The following NRXN3 variants were observed in gnomAD, a reference collection of about 807,000 sequenced individuals.
NRXN3 encodes neurexin 3.
A neutral mutation model predicts 137.6 loss-of-function variants in NRXN3; 32 were observed. The observed-to-expected ratio is 0.23, with a 90% CI of 0.18 to 0.31. NRXN3 has a LOEUF of 0.31. Ranked by LOEUF, NRXN3 falls within the 10% of genes least tolerant of loss-of-function variation. The pLI, the probability that NRXN3 is intolerant of heterozygous loss-of-function variation, is 1.00. For synonymous variants in NRXN3, 798 were observed against 784.5 expected, an observed-to-expected ratio of 1.02 and a Z score of -0.29; for missense variants, 1,574 against 2,062.5, an observed-to-expected ratio of 0.76 and a Z score of 4.59.
intron 1 of NRXN3, among the ~76,000 whole-genome samples, chr14:78,191,052 A>C (rs1291949178): frequency 6.6e-6 from 1 of 152,138 alleles, no homozygotes; most frequent in Non-Finnish European, 1.5e-5. Context: ...AAGACAATGA[A>C]ATTTCCTCAG....
intron 4 of NRXN3, among the ~76,000 whole-genome samples, chr14:78,456,894 G>A (rs1025245929): frequency 1.1e-4 from 12 of 112,884 alleles, no homozygotes; most frequent in South Asian, 2.8e-4. Flanking sequence ...TCTTTCGTTC[G>A]TTCATTCCTC....
chr14:79,208,700 A>C (rs1411636154), intron 15 of NRXN3, among the ~76,000 whole-genome samples: 1 of 152,188 alleles, frequency 6.6e-6, no homozygotes, highest in East Asian at 1.9e-4. Flanking sequence ...TTTATTGGAT[A>C]TAACAGTTAT....
intron 6 of NRXN3, among the ~76,000 whole-genome samples, chr14:78,697,384 C>T (rs1345701489): frequency 6.6e-6 from 1 of 152,004 alleles, no homozygotes; most frequent in East Asian, 1.9e-4. Context: ...TAATAAAAGA[C>T]TATTGAAATA....
At chr14:79,559,360 C>T (rs761897657) in intron 16 of NRXN3, among the ~76,000 whole-genome samples, 1 of 152,016 alleles carries the variant, frequency 6.6e-6, no homozygotes, top group Non-Finnish European at 1.5e-5. Context: ...ACTTACAGGC[C>T]ATTGTAGGGT....
At chr14:79,486,420 A>G (rs1177200399) in intron 16 of NRXN3, among the ~76,000 whole-genome samples, 3 of 152,198 alleles carry the variant, frequency 2.0e-5, no homozygotes, top group African/African-American at 7.2e-5. Context: ...ATATCCCAGT[A>G]TTATTCCCTG....
chr14:79,551,439 T>A (rs1264878611), intron 16 of NRXN3, among the ~76,000 whole-genome samples: 1 of 152,214 alleles, frequency 6.6e-6, no homozygotes, highest in Non-Finnish European at 1.5e-5. Context: ...GTTAATGGAT[T>A]CGGTGGAAAA....
intron 15 of NRXN3, among the ~76,000 whole-genome samples, chr14:79,235,648 A>T (rs1156328509): frequency 6.6e-6 from 1 of 152,196 alleles, no homozygotes; most frequent in Non-Finnish European, 1.5e-5. Context: ...TGAGTAAAAA[A>T]GTTCACTCAG....
chr14:79,014,382 G>A (rs1402878258), intron 15 of NRXN3, among the ~76,000 whole-genome samples: 9 of 152,054 alleles, frequency 5.9e-5, no homozygotes, highest in Non-Finnish European at 1.3e-4. Context: ...TCTTGTGTTA[G>A]TTCACTTAGC....
intron 1 of NRXN3, among the ~76,000 whole-genome samples, chr14:78,237,789 G>A (rs1220296245): frequency 6.6e-6 from 1 of 152,140 alleles, no homozygotes; most frequent in East Asian, 1.9e-4. Context: ...GTGGGGTGAG[G>A]GGAGCAGTGA....
chr14:78,352,971 G>A (rs1024616688), intron 4 of NRXN3, among the ~76,000 whole-genome samples: 5 of 152,198 alleles, frequency 3.3e-5, no homozygotes, highest in African/African-American at 1.2e-4. Flanking sequence ...AAGGAGGATG[G>A]GATTGGGCTG....
intron 20 of NRXN3, among the ~76,000 whole-genome samples, chr14:79,855,779 CTG>C (rs1352520351): frequency 6.6e-6 from 1 of 152,048 alleles, no homozygotes; most frequent in Non-Finnish European, 1.5e-5. Context: ...GTAGTAGGTA[CTG>C]TGTTAACCAT....
chr14:79,163,385 G>A (rs893705098), intron 15 of NRXN3, among the ~76,000 whole-genome samples: 1 of 151,898 alleles, frequency 6.6e-6, no homozygotes, highest in Non-Finnish European at 1.5e-5. Context: ...GGAGAAAATG[G>A]TGGCTTTTGG....
intron 16 of NRXN3, among the ~76,000 whole-genome samples, chr14:79,548,001 T>C (rs142827043): frequency 1.5e-4 from 23 of 152,174 alleles, no homozygotes; most frequent in Admixed American, 5.2e-4. Context: ...CCAAGAATAA[T>C]TGAAGTAGTG....
intron 4 of NRXN3, among the ~76,000 whole-genome samples, chr14:78,483,981 T>TACACACACACACAC (rs71979335): frequency 4.6e-4 from 57 of 123,740 alleles, no homozygotes; most frequent in South Asian, 3.8e-3. Context: ...GGGATGCTCT[T>TACACACACACACAC]ACACACACAC....
intron 15 of NRXN3, among the ~76,000 whole-genome samples, chr14:79,368,956 T>C (rs1370239537): frequency 3.9e-5 from 6 of 152,242 alleles, no homozygotes; most frequent in Non-Finnish European, 2.9e-5. Flanking sequence ...AGGAAACTTA[T>C]TCTATTCAGT....
chr14:78,913,674 G>A (rs924134604), intron 10 of NRXN3, among the ~76,000 whole-genome samples: 2 of 152,114 alleles, frequency 1.3e-5, no homozygotes, highest in African/African-American at 4.8e-5. Context: ...ATATAACCAT[G>A]AGGTTTAAAG....
chr14:78,761,311 G>A (rs186085232), intron 8 of NRXN3, among the ~76,000 whole-genome samples: 1 of 152,280 alleles, frequency 6.6e-6, no homozygotes, highest in East Asian at 1.9e-4. Context: ...AATATCAGCT[G>A]TTGCTGATAA....
chr14:79,396,780 G>C (rs2095038750), intron 15 of NRXN3, among the ~76,000 whole-genome samples: 2 of 151,976 alleles, frequency 1.3e-5, no homozygotes, highest in Non-Finnish European at 2.9e-5. Flanking sequence ...CAGAGGGAAG[G>C]GTATTATTAT....
chr14:78,600,169 A>G (rs2097191130), intron 4 of NRXN3, among the ~76,000 whole-genome samples: 1 of 152,102 alleles, frequency 6.6e-6, no homozygotes, highest in African/African-American at 2.4e-5. Flanking sequence ...CCGACAGTGG[A>G]ACCACTCTAG....
Sources: gnomAD v4.1 joint callset for allele counts (sites outside exome capture counted in the v4.1 genomes callset) on GRCh38, gnomAD v4.1.1 for gene constraint, MANE v1.5 for transcripts, NCBI Gene and HGNC (gene_info 2026-07-23, HGNC 2026-07-21) for gene names.